Variants in SNU13 observed in about 807,000 individuals in gnomAD.
The protein encoded by SNU13 is NHP2-like protein 1.
In SNU13, 2 loss-of-function variants were observed where a neutral mutation model predicts 12.4. That is an observed-to-expected ratio of 0.16 (90% CI 0.07 to 0.51). The LOEUF is 0.51. Among genes scored for constraint, SNU13 ranks in the 20% least tolerant of loss-of-function variants. The probability of loss-of-function intolerance (pLI) is 0.96; values close to 1 mark genes in which losing one functional copy is unlikely to be tolerated. For missense variants in SNU13, 66 were observed against 157.8 expected, an observed-to-expected ratio of 0.42 and a Z score of 3.12; for synonymous variants, 68 against 66.5, an observed-to-expected ratio of 1.02 and a Z score of -0.11.
At chr22:41,682,912 G>C (rs2068278312) in intron 1 of SNU13, among the ~76,000 whole-genome samples, 1 of 152,104 alleles carries the variant, frequency 6.6e-6, no homozygotes, top group South Asian at 2.1e-4. Context: ...GCCTCCCAAA[G>C]TGCTGGGATT....
chr22:41,681,521 G>C (rs2068262556), intron 1 of SNU13: 1 of 152,126 alleles, frequency 6.6e-6, no homozygotes, highest in Admixed American at 6.5e-5. Context: ...GCGGTAACCA[G>C]GTAGAAGATG....
At chr22:41,681,727 T>C (rs1478387727) in intron 1 of SNU13, among the ~76,000 whole-genome samples, 1 of 152,178 alleles carries the variant, frequency 6.6e-6, no homozygotes, top group South Asian at 2.1e-4. Flanking sequence ...ATAACCCATG[T>C]AGGGGACGAG....
intron 1 of SNU13, chr22:41,687,848 C>G (rs1026993023): frequency 1.3e-5 from 2 of 152,226 alleles, no homozygotes; most frequent in Non-Finnish European, 2.9e-5. Flanking sequence ...TGAGACCATC[C>G]GATTCCAAAA....
rs12159687 is a variant in SNU13, at chr22:41,684,963, T to A, written c.3+3831A>T. On this transcript the variant is annotated intron_variant, in intron 1 of 2. Coordinates refer to ENST00000401959, the MANE Select transcript of SNU13 (RefSeq NM_001003796.2). ...TGAGGTCAGGAGTTCAAGACCAGCC[T>A]GGATGACATGGTGAAACCCCCGTCT... Among the ~76,000 whole-genome samples the A allele has an allele frequency of 4.3e-4, 65 of 152,228 alleles. 1 individual carries two copies. The highest frequency in any genetic ancestry group is 1.5e-3 in the African/African-American group (64 of 41,534).
upstream of SNU13, chr22:41,689,366 C>CCAA (rs2068341219): frequency 9.2e-6 from 1 of 108,680 alleles, no homozygotes; most frequent in Admixed American, 1.1e-4. Flanking sequence ...GCGAGACTCT[C>CCAA]AAAAAAAAAA....
At chr22:41,688,648 G>A in intron 1 of SNU13, 146 bp downstream of exon 1, 1 of 1,149,814 alleles carries the variant, frequency 8.7e-7, no homozygotes, top group African/African-American at 1.5e-5. Flanking sequence ...CGCCGCTGCT[G>A]GGGTTCTAAC....
chr22:41,677,049 G>A (rs1331378778), intron 2 of SNU13, among the ~76,000 whole-genome samples: 2 of 152,050 alleles, frequency 1.3e-5, no homozygotes, highest in African/African-American at 2.4e-5. Flanking sequence ...AAGCCTGCTG[G>A]CCTCCTTTGG....
chr22:41,680,141 C>T (rs187400652), intron 2 of SNU13, 103 bp downstream of exon 2: 16 of 1,375,208 alleles, frequency 1.2e-5, no homozygotes, highest in African/African-American at 4.4e-5. Flanking sequence ...TGGTTGTAGT[C>T]GAGAGCAGCT....
At chr22:41,688,957 G>A (rs141701361), upstream of SNU13, 609 of 1,362,028 alleles carry the variant, frequency 4.5e-4, 1 homozygote, top group Admixed American at 3.4e-3. Context: ...CGCCCTCTAC[G>A]GGGGCACTGG....
rs2068273369 is a variant in SNU13, at chr22:41,682,481, C to T, written c.4-2117G>A. ...CCGCCCCCAAGAGCAGGAAGTGACGCCACTGCCGCCAGCGGAAGTGACGTC... is the reference window on the plus strand; with the variant it reads ...CCGCCCCCAAGAGCAGGAAGTGACGTCACTGCCGCCAGCGGAAGTGACGTC... On this transcript the variant is annotated intron_variant, in intron 1 of 2. Transcript: ENST00000401959. 7 of 1,582,168 alleles carry T rather than the reference C, an allele frequency of 4.4e-6. No homozygotes were observed. In the Admixed American group the frequency reaches 5.4e-5, roughly 12 times the overall value.
At chr22:41,676,921 C>T (rs1156883159) in intron 2 of SNU13, among the ~76,000 whole-genome samples, 1 of 152,142 alleles carries the variant, frequency 6.6e-6, no homozygotes, top group Admixed American at 6.6e-5. Flanking sequence ...TTCATGTCAT[C>T]TTTTTCATCT....
Position 41,674,772 on chromosome 22 carries a change from G to T in SNU13, c.*161C>A. On this transcript the variant is annotated 3_prime_UTR_variant, in exon 3 of 3. Transcript: ENST00000401959. ...GGAAAGGAAGGGGGATAGCAACCCT[G>T]TAAAACAGAACAAAAACAACACAAA... 1 of 1,001,100 alleles carries T rather than the reference G, an allele frequency of 1.0e-6. No homozygotes were observed. Among genetic ancestry groups the T allele is most frequent in the Non-Finnish European group, 1.4e-6 (1 of 694,412 alleles). 62.0% of individuals were successfully genotyped at this position (1,001,100 alleles called of 1,614,324 possible). A position where few individuals can be genotyped will look rare whatever the true frequency, so the allele number is the denominator to read the frequency against.
chr22:41,681,523 T>C (rs1021286677), intron 1 of SNU13: 5 of 152,188 alleles, frequency 3.3e-5, no homozygotes, highest in African/African-American at 1.2e-4. Context: ...GGTAACCAGG[T>C]AGAAGATGAG....
chr22:41,674,796 A>C lies in SNU13; in HGVS notation c.*137T>G. On this transcript the variant is annotated 3_prime_UTR_variant, in exon 3 of 3. Transcript: ENST00000401959. ...TGTAAAACAGAACAAAAACAACACAAAAATCCAGAAACCAGATTTAGTACT... is the reference window on the plus strand; with the variant it reads ...TGTAAAACAGAACAAAAACAACACACAAATCCAGAAACCAGATTTAGTACT... 7.9e-7 allele frequency: 1 copy of C among 1,266,908 alleles called. No individual in the cohort carries two copies. Among genetic ancestry groups the C allele is most frequent in the Non-Finnish European group, 1.1e-6 (1 of 926,494 alleles). The allele number at this position is 1,266,908 out of a possible 1,614,324, so 78.5% of individuals were successfully genotyped here. A position where few individuals can be genotyped will look rare whatever the true frequency, so the allele number is the denominator to read the frequency against.
intron 1 of SNU13, among the ~76,000 whole-genome samples, chr22:41,685,376 G>A (rs1454922860): frequency 6.6e-6 from 1 of 151,492 alleles, no homozygotes; most frequent in African/African-American, 2.4e-5. Context: ...TTTTTGAGAC[G>A]GAGTTTTGCT....
upstream of SNU13, among the ~76,000 whole-genome samples, chr22:41,690,091 A>G (rs954464926): frequency 6.6e-6 from 1 of 152,198 alleles, no homozygotes; most frequent in African/African-American, 2.4e-5. Flanking sequence ...ACTTTTGGGT[A>G]AAAGAGTCTT....
intron 1 of SNU13, chr22:41,682,489 G>A: frequency 7.0e-6 from 11 of 1,573,980 alleles, no homozygotes; most frequent in Non-Finnish European, 9.4e-6. Context: ...CGCCACTGCC[G>A]CCAGCGGAAG....
upstream of SNU13, chr22:41,689,185 A>T: frequency 7.9e-6 from 6 of 759,004 alleles, no homozygotes; most frequent in Non-Finnish European, 9.7e-6. Flanking sequence ...AACATGGCGA[A>T]ACCTCGTCCC....
At chr22:41,688,058 AACT>A (rs1449722713) in intron 1 of SNU13, 1 of 152,206 alleles carries the variant, frequency 6.6e-6, no homozygotes, top group Non-Finnish European at 1.5e-5. Flanking sequence ...TGCCAACCAA[AACT>A]ACTACGCCAG....
Sources: gnomAD v4.1 joint callset for allele counts (sites outside exome capture counted in the v4.1 genomes callset) on GRCh38, gnomAD v4.1.1 for gene constraint, MANE v1.5 for transcripts, NCBI Gene and HGNC (gene_info 2026-07-23, HGNC 2026-07-21) for gene names.